Variants in RAP1GDS1 observed in about 807,000 individuals in gnomAD.
The protein encoded by RAP1GDS1 is Rap1 GTPase-GDP dissociation stimulator 1, also known as RAP1, GTP-GDP dissociation stimulator 1.
Under a neutral mutation model 71.1 loss-of-function variants are expected in RAP1GDS1, and 35 were observed. The ratio of observed to expected loss-of-function variants is 0.49; its 90% CI spans 0.38 to 0.65. The LOEUF (loss-of-function observed/expected upper bound fraction) is 0.65. RAP1GDS1 is among the 30% of genes least tolerant of loss of function. The pLI is 0.00. For missense variants in RAP1GDS1, 663 were observed against 706.1 expected (o/e 0.94, Z 0.69); for synonymous variants, 229 against 243.1 (o/e 0.94, Z 0.54).
At chr4:98,314,486 T>C (rs928605279) in intron 2 of RAP1GDS1, among the ~76,000 whole-genome samples, 6 of 152,200 alleles carry the variant, frequency 3.9e-5, no homozygotes, top group African/African-American at 1.4e-4. Flanking sequence ...CATCAATACA[T>C]GTAACTTGCT....
intron 4 of RAP1GDS1, among the ~76,000 whole-genome samples, chr4:98,376,163 C>T (rs1433413942): frequency 6.6e-6 from 1 of 152,004 alleles, no homozygotes; most frequent in Non-Finnish European, 1.5e-5. Context: ...AAAGAGTGGG[C>T]TGCACTTTTT....
intron 5 of RAP1GDS1, among the ~76,000 whole-genome samples, chr4:98,389,034 AC>A (rs1743205912): frequency 6.6e-6 from 1 of 152,212 alleles, no homozygotes; most frequent in African/African-American, 2.4e-5. Flanking sequence ...GGTGAAGAAA[AC>A]AATGGCTACT....
chr4:98,280,630 A>T (rs538828609), intron 1 of RAP1GDS1, among the ~76,000 whole-genome samples: 23 of 151,780 alleles, frequency 1.5e-4, no homozygotes, highest in African/African-American at 5.6e-4. Context: ...CCCATTTGTC[A>T]ATTTTGGCTT....
At chr4:98,328,919 A>G (rs1733537093) in intron 2 of RAP1GDS1, among the ~76,000 whole-genome samples, 1 of 152,254 alleles carries the variant, frequency 6.6e-6, no homozygotes, top group African/African-American at 2.4e-5. Flanking sequence ...AAAAACTCTT[A>G]AGGCTGCAAA....
At chr4:98,311,490 C>T (rs768084380) in intron 2 of RAP1GDS1, among the ~76,000 whole-genome samples, 2 of 152,136 alleles carry the variant, frequency 1.3e-5, no homozygotes, top group African/African-American at 4.8e-5. Context: ...GGGAGAACAC[C>T]GTAGGAAAAA....
chr4:98,358,989 A>G (rs996548472), intron 4 of RAP1GDS1, among the ~76,000 whole-genome samples: 10 of 152,082 alleles, frequency 6.6e-5, no homozygotes, highest in African/African-American at 2.2e-4. Context: ...TCTCTTCCCT[A>G]TGGGAAATGA....
intron 12 of RAP1GDS1, among the ~76,000 whole-genome samples, chr4:98,425,374 T>A (rs1231175207): frequency 6.6e-6 from 1 of 152,140 alleles, no homozygotes; most frequent in Non-Finnish European, 1.5e-5. Context: ...ATGAATGGAA[T>A]AGTACCTCAC....
At chr4:98,270,278 C>T (rs58579740) in intron 1 of RAP1GDS1, among the ~76,000 whole-genome samples, 4 of 152,126 alleles carry the variant, frequency 2.6e-5, no homozygotes, top group African/African-American at 9.7e-5. Context: ...CAAAAACATT[C>T]AAACCATATA....
At chr4:98,351,597 G>C (rs1016881647) in intron 3 of RAP1GDS1, among the ~76,000 whole-genome samples, 1 of 151,924 alleles carries the variant, frequency 6.6e-6, no homozygotes, top group African/African-American at 2.4e-5. Context: ...CATCCTTATG[G>C]TGAGTTGTGA....
chr4:98,388,886 G>T (rs761399529), intron 5 of RAP1GDS1, among the ~76,000 whole-genome samples: 29 of 149,134 alleles, frequency 1.9e-4, no homozygotes, highest in Non-Finnish European at 3.7e-4. Context: ...TTTAAATGAA[G>T]AAAATATTTA....
intron 2 of RAP1GDS1, among the ~76,000 whole-genome samples, chr4:98,306,848 C>T (rs1729401283): frequency 1.3e-5 from 2 of 152,098 alleles, no homozygotes; most frequent in Admixed American, 1.3e-4. Context: ...AGCTTTCTTA[C>T]ATCGTCTAAA....
intron 1 of RAP1GDS1, among the ~76,000 whole-genome samples, chr4:98,289,065 T>C (rs182219487): frequency 6.6e-6 from 1 of 150,984 alleles, no homozygotes; most frequent in Non-Finnish European, 1.5e-5. Flanking sequence ...ATAATTTGAA[T>C]GGTGACTGAA....
intron 4 of RAP1GDS1, among the ~76,000 whole-genome samples, chr4:98,377,975 C>CAAA (rs1050845645): frequency 6.6e-6 from 1 of 151,632 alleles, no homozygotes; most frequent in African/African-American, 2.4e-5. Flanking sequence ...GATGATAATA[C>CAAA]AAAATATTTT....
chr4:98,280,489 T>A (rs530866890), intron 1 of RAP1GDS1, among the ~76,000 whole-genome samples: 22 of 152,220 alleles, frequency 1.4e-4, no homozygotes, highest in South Asian at 4.1e-4. Context: ...GTTTAAGTTC[T>A]TTGTAGATTC....
chr4:98,371,335 C>G (rs949832028), intron 4 of RAP1GDS1, among the ~76,000 whole-genome samples: 7 of 151,932 alleles, frequency 4.6e-5, no homozygotes, highest in Non-Finnish European at 8.8e-5. Flanking sequence ...CCAGGCTGGT[C>G]TTGAACTCCT....
chr4:98,423,520 T>G (rs532245489), intron 12 of RAP1GDS1, among the ~76,000 whole-genome samples: 3 of 152,030 alleles, frequency 2.0e-5, no homozygotes, highest in Admixed American at 2.0e-4. Context: ...GGTTTTTTTG[T>G]TTTCTTTATT....
intron 4 of RAP1GDS1, among the ~76,000 whole-genome samples, chr4:98,356,724 T>C (rs1381255015): frequency 6.6e-6 from 1 of 152,074 alleles, no homozygotes; most frequent in Non-Finnish European, 1.5e-5. Flanking sequence ...ACACTTAAGC[T>C]TATATGATAT....
chr4:98,340,010 A>C (rs1175684575), intron 2 of RAP1GDS1, among the ~76,000 whole-genome samples: 4 of 151,166 alleles, frequency 2.6e-5, no homozygotes, highest in Admixed American at 6.6e-5. Flanking sequence ...AATAGCTGTT[A>C]TTAAAAAGTC....
chr4:98,399,716 G>A (rs756065450), intron 6 of RAP1GDS1, among the ~76,000 whole-genome samples: 12 of 152,052 alleles, frequency 7.9e-5, no homozygotes, highest in Admixed American at 3.3e-4. Context: ...AATGCAAATC[G>A]AAACCACAAT....
Sources: allele counts gnomAD v4.1 joint callset (sites outside exome capture counted in the v4.1 genomes callset), GRCh38; gene constraint gnomAD v4.1.1; transcripts MANE v1.5; gene names NCBI Gene and HGNC (gene_info 2026-07-23, HGNC 2026-07-21).